Variants in SNTG1 observed in about 807,000 individuals in gnomAD.
SNTG1 encodes syntrophin gamma 1, also known as gamma-1-syntrophin.
Under a neutral mutation model 74.7 loss-of-function variants are expected in SNTG1, and 39 were observed. The ratio of observed to expected loss-of-function variants is 0.52; its 90% CI spans 0.40 to 0.68. SNTG1 has a LOEUF of 0.68. SNTG1 is among the 30% of genes least tolerant of loss of function. The probability of loss-of-function intolerance (pLI) is 0.00; values close to 1 mark genes in which losing one functional copy is unlikely to be tolerated. For synonymous variants in SNTG1, 254 were observed against 217.1 expected (o/e 1.17, Z -1.49); for missense variants, 685 against 609.5 (o/e 1.12, Z -1.30).
chr8:50,208,588 A>T (rs932165751), intron 2 of SNTG1, among the ~76,000 whole-genome samples: 1 of 152,154 alleles, frequency 6.6e-6, no homozygotes, highest in Non-Finnish European at 1.5e-5. Context: ...TTATCTGTGA[A>T]TTTGATCCTG....
intron 12 of SNTG1, among the ~76,000 whole-genome samples, chr8:50,555,601 T>G (rs892641560): frequency 6.6e-6 from 1 of 152,156 alleles, no homozygotes; most frequent in Non-Finnish European, 1.5e-5. Flanking sequence ...GATGTAGACC[T>G]TTTTCTTTAT....
intron 13 of SNTG1, among the ~76,000 whole-genome samples, chr8:50,593,386 A>C (rs2130887576): frequency 6.6e-6 from 1 of 152,270 alleles, no homozygotes; most frequent in Non-Finnish European, 1.5e-5. Context: ...ATAAACCATT[A>C]TAAAGAAATG....
At chr8:49,930,847 C>G (rs12542776) in intron 1 of SNTG1, among the ~76,000 whole-genome samples, 1 of 152,164 alleles carries the variant, frequency 6.6e-6, no homozygotes, top group Non-Finnish European at 1.5e-5. Context: ...TGAAAAAATG[C>G]TGCATGAAAT....
chr8:50,196,134 G>C (rs2131814247), intron 2 of SNTG1, among the ~76,000 whole-genome samples: 1 of 152,266 alleles, frequency 6.6e-6, no homozygotes, highest in South Asian at 2.1e-4. Flanking sequence ...AATTGTCCCA[G>C]GAAATCACTG....
intron 13 of SNTG1, among the ~76,000 whole-genome samples, chr8:50,649,152 C>T (rs12548236): frequency 0.21 from 31,914 of 152,036 alleles, 3,701 homozygotes; most frequent in African/African-American, 0.3. Context: ...TTTTCCACAT[C>T]GGCACATAGT....
At chr8:50,093,142 T>A (rs908447744) in intron 1 of SNTG1, among the ~76,000 whole-genome samples, 3 of 152,118 alleles carry the variant, frequency 2.0e-5, no homozygotes, top group Admixed American at 2.0e-4. Flanking sequence ...TGATTCCACC[T>A]AAGGAAGGGT....
rs143892188 is a variant in SNTG1, at chr8:49,939,810, A to G, written c.-103+27579A>G. Among the ~76,000 whole-genome samples the G allele has an allele frequency of 2.1e-3, 321 of 152,326 alleles. 1 individual carries two copies. In the East Asian group the frequency reaches 0.033, roughly 15 times the overall value. On this transcript the variant is annotated intron_variant, in intron 1 of 18. Transcript: ENST00000642720. ...ATTCTGCTAGAAAGCATTGGGTTTC[A>G]GAAGTTCTAACCATGGGCTTCTTGG...
chr8:50,166,029 C>T (rs2082604139), intron 1 of SNTG1, among the ~76,000 whole-genome samples: 1 of 130,458 alleles, frequency 7.7e-6, no homozygotes, highest in South Asian at 2.8e-4. Context: ...GAAAGGATTC[C>T]CTATTTAATA....
intron 1 of SNTG1, among the ~76,000 whole-genome samples, chr8:49,995,605 C>G (rs1030417047): frequency 6.6e-6 from 1 of 152,106 alleles, no homozygotes; most frequent in East Asian, 1.9e-4. Context: ...AGGTGAGGTC[C>G]CCTCACACAC....
intron 2 of SNTG1, among the ~76,000 whole-genome samples, chr8:50,237,141 T>A (rs1261516896): frequency 6.6e-6 from 1 of 151,982 alleles, no homozygotes; most frequent in African/African-American, 2.4e-5. Context: ...TTTTTTACCT[T>A]TTTTTTTCTT....
At chr8:50,716,254 CAA>C (rs879460894) in intron 17 of SNTG1, among the ~76,000 whole-genome samples, 49 of 152,028 alleles carry the variant, frequency 3.2e-4, no homozygotes, top group Admixed American at 2.6e-3. Context: ...TATTTCACAT[CAA>C]AGACAGTTAC....
At chr8:50,455,269 G>A in intron 8 of SNTG1, among the ~76,000 whole-genome samples, 1 of 152,310 alleles carries the variant, frequency 6.6e-6, no homozygotes, top group East Asian at 1.9e-4. Flanking sequence ...TGGATGCATA[G>A]CTGATTCCAG....
chr8:50,637,211 G>C (rs1486911537), intron 13 of SNTG1, among the ~76,000 whole-genome samples: 1 of 151,972 alleles, frequency 6.6e-6, no homozygotes, highest in Non-Finnish European at 1.5e-5. Flanking sequence ...CTAAATCTTA[G>C]TATTTTGTCC....
intron 1 of SNTG1, among the ~76,000 whole-genome samples, chr8:49,953,621 G>A (rs777728455): frequency 3.9e-5 from 6 of 152,178 alleles, no homozygotes; most frequent in Non-Finnish European, 8.8e-5. Context: ...AAATGCAAAG[G>A]AAATGTAGAA....
In SNTG1 at chr8:50,172,593, A is replaced by T. The variant is rs1465911172; in HGVS notation, c.-70A>T. 1 of 152,124 alleles carries T rather than the reference A, an allele frequency of 6.6e-6. No individual in the cohort carries two copies. Among genetic ancestry groups the T allele is most frequent in the African/African-American group, 2.4e-5 (1 of 41,432 alleles). The allele number at this position is 152,124 out of a possible 1,614,324, so 9.4% of individuals were successfully genotyped here. ...TCCAGAATGTTGAGATTGCCCGAGA[A>T]GTGACCCCAGCAAAAGAAAAATATT... On this transcript the variant is annotated 5_prime_UTR_variant, in exon 2 of 19. The change creates a new upstream start codon in the 5' untranslated region. Coordinates refer to ENST00000642720, the MANE Select transcript of SNTG1 (RefSeq NM_018967.5).
In SNTG1 at chr8:50,543,410, A is replaced by G. The variant is rs141774083; in HGVS notation, c.680+6602A>G. On this transcript the variant is annotated intron_variant, in intron 11 of 18. Coordinates refer to ENST00000642720, the MANE Select transcript of SNTG1 (RefSeq NM_018967.5). ...GAGAGAATTGATTTCTGGGTTCTCT[A>G]TTCTGCTCCATTGGTCTATGTGTCT... Among the ~76,000 whole-genome samples the G allele has an allele frequency of 2.7e-3, 412 of 151,968 alleles. 3 individuals carry two copies. The highest frequency in any genetic ancestry group is 9.5e-3 in the African/African-American group (393 of 41,406).
intron 2 of SNTG1, among the ~76,000 whole-genome samples, chr8:50,174,238 T>G (rs1366726454): frequency 6.6e-6 from 1 of 152,240 alleles, no homozygotes; most frequent in African/African-American, 2.4e-5. Flanking sequence ...AGTCTACCAC[T>G]GATGGATATT....
chr8:50,474,413 G>A lies in SNTG1; in HGVS notation c.363+23684G>A, dbSNP rs867125481. 2.0e-4 allele frequency among the ~76,000 whole-genome samples: 30 copies of A among 150,674 alleles called. 2 individuals are homozygous for A. The highest frequency in any genetic ancestry group is 4.2e-4 in the South Asian group (2 of 4,788). On this transcript the variant is annotated intron_variant, in intron 8 of 18. Coordinates refer to ENST00000642720, the MANE Select transcript of SNTG1 (RefSeq NM_018967.5). ...AAAACAACCCCATCAAAAAGTGGGCGAAGGATATGAATAGACACTTCTAAA... is the reference window on the plus strand; with the variant it reads ...AAAACAACCCCATCAAAAAGTGGGCAAAGGATATGAATAGACACTTCTAAA...
At chr8:50,643,588 G>C (rs145035941) in intron 13 of SNTG1, among the ~76,000 whole-genome samples, 2 of 152,212 alleles carry the variant, frequency 1.3e-5, no homozygotes, top group African/African-American at 2.4e-5. Context: ...CAGAGAACTC[G>C]TGGTATGTTT....
Sources: gnomAD v4.1 joint callset for allele counts (sites outside exome capture counted in the v4.1 genomes callset) on GRCh38, gnomAD v4.1.1 for gene constraint, MANE v1.5 for transcripts, NCBI Gene and HGNC (gene_info 2026-07-23, HGNC 2026-07-21) for gene names.